PDE4D: variants seen among roughly 807,000 people sequenced by gnomAD.
The protein encoded by PDE4D is 3',5'-cyclic-AMP phosphodiesterase 4D.
Under a neutral mutation model 87.4 loss-of-function variants are expected in PDE4D, and 24 were observed. The observed-to-expected ratio is 0.27, with a 90% confidence interval of 0.20 to 0.39. The LOEUF (loss-of-function observed/expected upper bound fraction) is 0.39. Ranked by LOEUF, PDE4D falls within the 10% of genes least tolerant of loss-of-function variation. PDE4D has a pLI of 1.00. For missense variants in PDE4D, 714 were observed against 1,041.0 expected (o/e 0.69, Z 4.32); for synonymous variants, 384 against 383.2 (o/e 1.00, Z -0.02).
At chr5:59,906,993 T>G (rs1403547553) in intron 3 of PDE4D, among the ~76,000 whole-genome samples, 1 of 152,148 alleles carries the variant, frequency 6.6e-6, no homozygotes, top group Non-Finnish European at 1.5e-5. Flanking sequence ...TGCCTGTCAA[T>G]GACAGATTTG....
intron 1 of PDE4D, among the ~76,000 whole-genome samples, chr5:60,518,086 G>C (rs1230912582): frequency 1.3e-5 from 2 of 152,232 alleles, no homozygotes; most frequent in African/African-American, 4.8e-5. Flanking sequence ...TGGTACACCT[G>C]GTCCAGCCAC....
At chr5:59,083,684 AT>A (rs144135247) in intron 5 of PDE4D, among the ~76,000 whole-genome samples, 1,630 of 152,130 alleles carry the variant, frequency 0.011, 36 homozygotes, top group African/African-American at 0.037. Context: ...ATATTGACAA[AT>A]TTTTCCCACA....
At chr5:59,416,713 CAT>C (rs1030448423) in intron 1 of PDE4D, among the ~76,000 whole-genome samples, 1 of 152,156 alleles carries the variant, frequency 6.6e-6, no homozygotes, top group Middle Eastern at 3.2e-3. Flanking sequence ...TCAGAGTAAA[CAT>C]ATGATTCATC....
intron 1 of PDE4D, among the ~76,000 whole-genome samples, chr5:59,338,673 G>A (rs994676490): frequency 3.3e-5 from 5 of 152,184 alleles, no homozygotes; most frequent in African/African-American, 9.6e-5. Flanking sequence ...CATGAAAGGC[G>A]TGTGGTTAGG....
chr5:60,108,863 G>A (rs1045229481), intron 2 of PDE4D, among the ~76,000 whole-genome samples: 7 of 152,084 alleles, frequency 4.6e-5, no homozygotes, highest in African/African-American at 1.7e-4. Context: ...ATCAATTCAA[G>A]ATGGATTAAA....
chr5:60,045,997 G>A (rs1013210487), intron 2 of PDE4D, among the ~76,000 whole-genome samples: 6 of 152,172 alleles, frequency 3.9e-5, no homozygotes, highest in African/African-American at 1.2e-4. Context: ...CTACCCATGA[G>A]CATGGAATAT....
chr5:58,978,035 G>T (rs1046699253), intron 11 of PDE4D, among the ~76,000 whole-genome samples: 1 of 152,130 alleles, frequency 6.6e-6, no homozygotes, highest in African/African-American at 2.4e-5. Context: ...TACTGCCCTA[G>T]ACCTGTGAAT....
intron 1 of PDE4D, chr5:59,430,348 T>C (rs575292663): frequency 3.2e-6 from 4 of 1,231,362 alleles, no homozygotes; most frequent in South Asian, 4.1e-5. Flanking sequence ...TGGTGATCCA[T>C]GAACATAAGC....
chr5:59,814,196 A>T (rs1338367483), intron 1 of PDE4D, among the ~76,000 whole-genome samples: 1 of 152,172 alleles, frequency 6.6e-6, no homozygotes, highest in Non-Finnish European at 1.5e-5. Flanking sequence ...AAAAAAAGAC[A>T]GTTTTTATAA....
intron 3 of PDE4D, among the ~76,000 whole-genome samples, chr5:59,930,501 G>A (rs933477822): frequency 1.3e-4 from 20 of 152,170 alleles, no homozygotes; most frequent in African/African-American, 4.8e-4. Context: ...CTTTCCTAAA[G>A]TCTCCAGAAC....
intron 1 of PDE4D, among the ~76,000 whole-genome samples, chr5:59,633,941 G>A (rs1171590974): frequency 1.3e-5 from 2 of 152,078 alleles, no homozygotes; most frequent in Non-Finnish European, 2.9e-5. Context: ...GGCACAGGCT[G>A]GCAAACTAGA....
chr5:59,132,222 G>A (rs775426525), intron 5 of PDE4D, among the ~76,000 whole-genome samples: 1 of 152,118 alleles, frequency 6.6e-6, no homozygotes, highest in Non-Finnish European at 1.5e-5. Context: ...TATAACCCTT[G>A]AAAGTAAAAT....
At chr5:60,106,012 A>T (rs1262936645) in intron 2 of PDE4D, among the ~76,000 whole-genome samples, 2 of 152,234 alleles carry the variant, frequency 1.3e-5, no homozygotes, top group Non-Finnish European at 2.9e-5. Flanking sequence ...TAACAATATT[A>T]ACTTTAAATG....
chr5:59,455,864 T>TGACTGC, intron 1 of PDE4D, among the ~76,000 whole-genome samples: 1 of 152,380 alleles, frequency 6.6e-6, no homozygotes, highest in South Asian at 2.1e-4. Context: ...CTTTAAGATT[T>TGACTGC]GACTGCCCTG....
intron 2 of PDE4D, among the ~76,000 whole-genome samples, chr5:60,128,293 A>G (rs533403763): frequency 6.6e-6 from 1 of 152,358 alleles, no homozygotes; most frequent in African/African-American, 2.4e-5. Context: ...TAAGGATTAC[A>G]AAAAGAAATT....
chr5:60,346,303 GGGTCCTGCT>G (rs1399412872), intron 1 of PDE4D, among the ~76,000 whole-genome samples: 4 of 152,102 alleles, frequency 2.6e-5, no homozygotes, highest in African/African-American at 9.7e-5. Context: ...TGTCAGATGT[GGGTCCTGCT>G]GGTGACATTC....
intron 1 of PDE4D, among the ~76,000 whole-genome samples, chr5:59,690,237 C>T (rs945921019): frequency 2.6e-5 from 4 of 152,078 alleles, no homozygotes; most frequent in African/African-American, 9.7e-5. Context: ...TTATGTGGAA[C>T]CAAAAAAGAG....
At chr5:59,343,021 G>C (rs572826655) in intron 1 of PDE4D, among the ~76,000 whole-genome samples, 43 of 150,392 alleles carry the variant, frequency 2.9e-4, no homozygotes, top group African/African-American at 8.1e-4. Flanking sequence ...ATATGTGCAG[G>C]TTTGTTACAA....
At chr5:60,295,583 T>C (rs751351196) in intron 1 of PDE4D, among the ~76,000 whole-genome samples, 5 of 152,154 alleles carry the variant, frequency 3.3e-5, no homozygotes, top group Non-Finnish European at 7.3e-5. Context: ...CAACCCTGGC[T>C]TCTACCAACT....
Sources: allele counts gnomAD v4.1 joint callset (sites outside exome capture counted in the v4.1 genomes callset), GRCh38; gene constraint gnomAD v4.1.1; transcripts MANE v1.5; gene names NCBI Gene and HGNC (gene_info 2026-07-23, HGNC 2026-07-21).